Variants in SINHCAF observed in about 807,000 individuals in gnomAD.
The protein encoded by SINHCAF is SIN3-HDAC complex-associated factor.
SINHCAF carries 3 observed loss-of-function variants against 25.8 expected under a neutral mutation model. The observed-to-expected ratio is 0.12, with a 90% confidence interval of 0.05 to 0.30. The LOEUF is 0.30. SINHCAF is among the 10% of genes least tolerant of loss of function. The probability of loss-of-function intolerance (pLI) is 1.00; values close to 1 mark genes in which losing one functional copy is unlikely to be tolerated. For missense variants in SINHCAF, 121 were observed against 262.3 expected, an observed-to-expected ratio of 0.46 and a Z score of 3.72; for synonymous variants, 70 against 85.5, an observed-to-expected ratio of 0.82 and a Z score of 1.00.
chr12:31,298,430 A>G, intron 1 of SINHCAF: 1 of 529,320 alleles, frequency 1.9e-6, no homozygotes, highest in South Asian at 2.1e-5. Flanking sequence ...AAGCCTAGTT[A>G]TTTAAGGAGG....
At chr12:31,282,918 T>C (rs371812317) in intron 5 of SINHCAF, 47 bp from the exon 6 acceptor site, 20 of 1,433,270 alleles carry the variant, frequency 1.4e-5, no homozygotes, top group African/African-American at 4.3e-5. Context: ...GGAAGAAAAA[T>C]AGGAATACAA....
chr12:31,282,854 C>A lies in SINHCAF; in HGVS notation c.524G>T (p.Gly175Val). 2 of 1,602,152 alleles carry A rather than the reference C, an allele frequency of 1.2e-6. No homozygotes were observed. The highest frequency in any genetic ancestry group is 8.5e-7 in the Non-Finnish European group (1 of 1,176,678). The change falls in exon 6 of 6, where the codon GGG becomes GTG. Residue 175 changes from glycine to valine, a missense_variant. Coordinates refer to ENST00000337682, the MANE Select transcript of SINHCAF (RefSeq NM_001135812.2). ...TYWKRQKICCGIIYKGRFGEV... is the reference protein window; with the variant it reads ...TYWKRQKICCVIIYKGRFGEV... ...CCCAAAACGGCCTTTATAGATGATC[C>A]CACAACATATCTTCTGTCTAAAAGA...
At chr12:31,300,574 ATTTT>A (rs1007784039) in intron 1 of SINHCAF, among the ~76,000 whole-genome samples, 1 of 151,910 alleles carries the variant, frequency 6.6e-6, no homozygotes, top group African/African-American at 2.4e-5. Context: ...AATGAGGCAG[ATTTT>A]TTTTTCTCAA....
intron 1 of SINHCAF, among the ~76,000 whole-genome samples, chr12:31,317,586 A>T (rs1196996846): frequency 6.6e-6 from 1 of 152,086 alleles, no homozygotes; most frequent in Non-Finnish European, 1.5e-5. Flanking sequence ...GCATAAAAGA[A>T]GCTTACTTTC....
Position 31,287,788 on chromosome 12 carries a change from C to A in SINHCAF, c.356-4G>T. On this transcript the variant is annotated splice_region_variant and splice_polypyrimidine_tract_variant and intron_variant, in intron 4 of 5. Transcript: ENST00000337682. ...GTGGTACTGTGAGCATCAGAATCTG[C>A]AATAAAGATTAAGAGAAAAAATAAA... 1.9e-6 allele frequency: 3 copies of A among 1,569,984 alleles called. No homozygotes were observed. Among genetic ancestry groups the A allele is most frequent in the South Asian group, 1.2e-5 (1 of 82,806 alleles).
intron 1 of SINHCAF, among the ~76,000 whole-genome samples, chr12:31,308,904 G>A (rs541209834): frequency 1.1e-4 from 17 of 151,984 alleles, no homozygotes; most frequent in Non-Finnish European, 2.4e-4. Context: ...GAGGCGGGTG[G>A]ATCACTTGAG....
At chr12:31,301,828 T>C (rs1044644776) in intron 1 of SINHCAF, among the ~76,000 whole-genome samples, 2 of 152,216 alleles carry the variant, frequency 1.3e-5, no homozygotes, top group African/African-American at 4.8e-5. Context: ...CAAGTTACTT[T>C]ATATATTTAA....
intron 1 of SINHCAF, among the ~76,000 whole-genome samples, chr12:31,299,431 C>T (rs1056747509): frequency 1.3e-5 from 2 of 152,058 alleles, no homozygotes; most frequent in African/African-American, 4.8e-5. Context: ...ATTCTCCTGC[C>T]TCAGCCTCCC....
chr12:31,299,086 TG>T (rs1048072126), intron 1 of SINHCAF, among the ~76,000 whole-genome samples: 1 of 151,660 alleles, frequency 6.6e-6, no homozygotes, highest in Non-Finnish European at 1.5e-5. Flanking sequence ...AAAACAGCTC[TG>T]GGGCTGGATG....
At chr12:31,286,942 G>A (rs960512532) in intron 5 of SINHCAF, among the ~76,000 whole-genome samples, 18 of 151,972 alleles carry the variant, frequency 1.2e-4, no homozygotes, top group African/African-American at 4.4e-4. Flanking sequence ...TTTTTAAATA[G>A]AGTCTTGCTT....
chr12:31,281,437 A>G lies in SINHCAF; in HGVS notation c.*1275T>C, dbSNP rs1414700540. 1 of 152,198 alleles carries G rather than the reference A, an allele frequency of 6.6e-6. No individual in the cohort carries two copies. Among genetic ancestry groups the G allele is most frequent in the Non-Finnish European group, 1.5e-5 (1 of 68,026 alleles). 9.4% of individuals were successfully genotyped at this position (152,198 alleles called of 1,614,324 possible). A position where few individuals can be genotyped will look rare whatever the true frequency, so the allele number is the denominator to read the frequency against. ...TTTAATAGGCTAAAACAAGTCAAAC[A>G]CCCATTCTACACAGATAAAAACCTT... On this transcript the variant is annotated 3_prime_UTR_variant, in exon 6 of 6. Transcript: ENST00000337682.
intron 5 of SINHCAF, among the ~76,000 whole-genome samples, chr12:31,284,405 T>C (rs1292064450): frequency 1.3e-5 from 2 of 152,230 alleles, no homozygotes; most frequent in African/African-American, 4.8e-5. Context: ...GTTGTCTGTA[T>C]ATTCCAGATA....
intron 1 of SINHCAF, 184 bp from the exon 2 acceptor site, chr12:31,298,408 A>G: frequency 1.7e-6 from 1 of 577,678 alleles, no homozygotes; most frequent in East Asian, 3.1e-5. Context: ...CAAGCGTATA[A>G]AACACAAAGA....
At position 31,282,678 on chromosome 12, in the gene SINHCAF, T is replaced by G; in HGVS notation, c.*34A>C. 1 of 1,513,174 alleles carries G rather than the reference T, an allele frequency of 6.6e-7. No homozygotes were observed. Among genetic ancestry groups the G allele is most frequent in the South Asian group, 1.3e-5 (1 of 78,974 alleles). The allele number at this position is 1,513,174 out of a possible 1,614,324, so 93.7% of individuals were successfully genotyped here. A position where few individuals can be genotyped will look rare whatever the true frequency, so the allele number is the denominator to read the frequency against. On this transcript the variant is annotated 3_prime_UTR_variant, in exon 6 of 6. Transcript: ENST00000337682. ...GTGGTTTTTCAAAATTCAGATATTT[T>G]TTTTTTTGTTCCCCTTCTACATAAA...
intron 1 of SINHCAF, among the ~76,000 whole-genome samples, chr12:31,308,782 C>A (rs941161745): frequency 6.6e-6 from 1 of 152,070 alleles, no homozygotes. Flanking sequence ...ATACTGACTA[C>A]CTAGATGTAT....
At position 31,314,844 on chromosome 12, in the gene SINHCAF, T is replaced by C. The variant is rs1408746241; in HGVS notation, c.-21+11180A>G. 2.0e-5 allele frequency among the ~76,000 whole-genome samples: 3 copies of C among 152,360 alleles called. No homozygotes were observed. In the East Asian group the frequency reaches 5.8e-4, roughly 29 times the overall value. On this transcript the variant is annotated intron_variant, in intron 1 of 5. Transcript: ENST00000337682. ...ATGTGGAGTCATTCTTCAGTCATCC[T>C]GGTCCATTTGTTTAAGTAATTACAC... is the stretch of plus-strand genomic sequence containing the variant.
chr12:31,295,521 A>G (rs1938512690), intron 2 of SINHCAF, among the ~76,000 whole-genome samples, 188 bp from the exon 3 acceptor site: 1 of 152,208 alleles, frequency 6.6e-6, no homozygotes, highest in Non-Finnish European at 1.5e-5. Context: ...AGATTCAACA[A>G]ACCAATTCTA....
intron 1 of SINHCAF, among the ~76,000 whole-genome samples, chr12:31,309,755 T>C (rs1446853186): frequency 7.0e-6 from 1 of 142,938 alleles, no homozygotes; most frequent in Non-Finnish European, 1.5e-5. Flanking sequence ...AACCTCCGCC[T>C]CCCAGGTTCA....
intron 1 of SINHCAF, among the ~76,000 whole-genome samples, chr12:31,322,818 A>C (rs1378650155): frequency 6.6e-6 from 1 of 152,228 alleles, no homozygotes; most frequent in Non-Finnish European, 1.5e-5. Context: ...ATCAGGAAAG[A>C]AGCAACAGAT....
Sources: gnomAD v4.1 joint callset for allele counts (sites outside exome capture counted in the v4.1 genomes callset) on GRCh38, gnomAD v4.1.1 for gene constraint, MANE v1.5 for transcripts, NCBI Gene and HGNC (gene_info 2026-07-23, HGNC 2026-07-21) for gene names.